IGSF11: variants seen among roughly 807,000 people sequenced by gnomAD.
The protein encoded by IGSF11 is CXADR like 1.
IGSF11 carries 22 observed loss-of-function variants against 41.0 expected under a neutral mutation model. The ratio of observed to expected loss-of-function variants is 0.54; its 90% confidence interval spans 0.38 to 0.77. IGSF11 has a LOEUF of 0.77. Ranked by LOEUF, IGSF11 falls within the 30% of genes least tolerant of loss-of-function variation. The pLI is 0.00. For synonymous variants in IGSF11, 219 were observed against 201.3 expected (o/e 1.09, Z -0.74); for missense variants, 444 against 530.8 (o/e 0.84, Z 1.61).
intron 1 of IGSF11, among the ~76,000 whole-genome samples, chr3:118,984,419 A>G (rs1935053805): frequency 6.6e-6 from 1 of 152,232 alleles, no homozygotes; most frequent in Non-Finnish European, 1.5e-5. Flanking sequence ...AAATGTATCT[A>G]AGAAAAGAAC....
chr3:118,998,579 C>CA lies in IGSF11; in HGVS notation c.52+35951dup, dbSNP rs1256652624. Among the ~76,000 whole-genome samples the CA allele has an allele frequency of 4.9e-3, 641 of 129,694 alleles. 9 individuals carry two copies. Among genetic ancestry groups the CA allele is most frequent in the African/African-American group, 0.015 (514 of 35,432 alleles). 85.1% of individuals were successfully genotyped at this position (129,694 alleles called of 152,430 possible). On this transcript the variant is annotated intron_variant, in intron 1 of 6. Coordinates refer to ENST00000393775, the MANE Select transcript of IGSF11 (RefSeq NM_001015887.3). ...ATCTGCACCCACAAAGTATTATTTG[C>CA]AAAAAAAAAAAAAGTTTGCAAATAG...
intron 1 of IGSF11, among the ~76,000 whole-genome samples, chr3:119,111,763 G>T (rs2077166132): frequency 6.6e-6 from 1 of 152,166 alleles, no homozygotes; most frequent in Admixed American, 6.5e-5. Flanking sequence ...GTACAGATGG[G>T]TTTTTGGTGT....
At chr3:119,075,504 C>T (rs1013099136) in intron 1 of IGSF11, among the ~76,000 whole-genome samples, 5 of 152,134 alleles carry the variant, frequency 3.3e-5, no homozygotes, top group Non-Finnish European at 4.4e-5. Context: ...TATACCAAAC[C>T]TAGCAGAGAC....
rs564719097 is a variant in IGSF11 at position 118,971,332 on chromosome 3, A to C, written c.53-41057T>G. Among the ~76,000 whole-genome samples the C allele has an allele frequency of 2.0e-5, 3 of 152,328 alleles. No homozygotes were observed. The South Asian group carries it at 6.2e-4, about 32-fold the overall frequency. ...CCAAAGGGGAAAACATTTTAGGTTT[A>C]TGTGTAAACATGAAAAACAGAACAC... On this transcript the variant is annotated intron_variant, in intron 1 of 6. Coordinates refer to ENST00000393775, the MANE Select transcript of IGSF11 (RefSeq NM_001015887.3).
rs191339002 is a variant in IGSF11, at chr3:118,981,011, A to C, written c.53-50736T>G. On this transcript the variant is annotated intron_variant, in intron 1 of 6. Transcript: ENST00000393775. ...ACCACTTTATGTGGTATGTGAGGGA[A>C]GCAGAGTAACATCTGGGACAGTGGT... is the stretch of plus-strand genomic sequence containing the variant. Among the ~76,000 whole-genome samples the C allele has an allele frequency of 2.3e-4, 35 of 152,348 alleles. 1 individual carries two copies. The highest frequency in any genetic ancestry group is 8.3e-4 in the South Asian group (4 of 4,826).
intron 4 of IGSF11, among the ~76,000 whole-genome samples, chr3:118,925,042 G>T (rs537725589): frequency 2.6e-5 from 4 of 152,116 alleles, no homozygotes; most frequent in Non-Finnish European, 5.9e-5. Context: ...ATGAACAACA[G>T]TATTGCAGGA....
intron 1 of IGSF11, among the ~76,000 whole-genome samples, chr3:119,060,027 C>G (rs181573581): frequency 1.3e-5 from 2 of 152,280 alleles, no homozygotes; most frequent in East Asian, 3.9e-4. Context: ...CAGGAGCTGT[C>G]CAGTGAGTCC....
At chr3:118,997,438 T>C (rs1340910989) in intron 1 of IGSF11, among the ~76,000 whole-genome samples, 2 of 152,164 alleles carry the variant, frequency 1.3e-5, no homozygotes, top group African/African-American at 2.4e-5. Context: ...TAGCACTAGA[T>C]TTGTGGTGGA....
chr3:119,035,169 T>TTA (rs1940832430), upstream of IGSF11, among the ~76,000 whole-genome samples: 1 of 152,226 alleles, frequency 6.6e-6, no homozygotes, highest in African/African-American at 2.4e-5. Context: ...GGTGTCGGCC[T>TTA]GATGCATCCT....
intron 1 of IGSF11, among the ~76,000 whole-genome samples, chr3:119,079,490 G>T (rs892548728): frequency 6.6e-6 from 1 of 152,178 alleles, no homozygotes; most frequent in African/African-American, 2.4e-5. Flanking sequence ...TTCTCAAAGA[G>T]CTTAAAGAGA....
At chr3:118,996,487 A>G (rs951362453) in intron 1 of IGSF11, among the ~76,000 whole-genome samples, 1 of 152,280 alleles carries the variant, frequency 6.6e-6, no homozygotes, top group East Asian at 1.9e-4. Flanking sequence ...CCTTGCTACT[A>G]TCCTTGACTC....
intron 1 of IGSF11, among the ~76,000 whole-genome samples, chr3:119,117,367 G>A (rs927590222): frequency 1.3e-5 from 2 of 152,118 alleles, no homozygotes; most frequent in Non-Finnish European, 2.9e-5. Flanking sequence ...AATGAAGGAA[G>A]GCAAGGAGGA....
At position 119,125,810 on chromosome 3, in the gene IGSF11, G is replaced by C. The variant is rs748281620; in HGVS notation, c.-14+20003C>G. Among the ~76,000 whole-genome samples the C allele has an allele frequency of 2.0e-5, 3 of 152,290 alleles. No homozygotes were observed. The East Asian group carries it at 5.8e-4, about 29-fold the overall frequency. On this transcript the variant is annotated intron_variant, in intron 1 of 7. Coordinates refer to the IGSF11 transcript ENST00000425327. ...CAGTGTGGTGCTGCAGCCTACCTGA[G>C]AGCCACGTGGGGAAGGGGAACCACC...
chr3:119,054,231 C>T (rs1158957928), intron 1 of IGSF11, among the ~76,000 whole-genome samples: 2 of 152,054 alleles, frequency 1.3e-5, no homozygotes, highest in Admixed American at 6.6e-5. Context: ...AACAGGCAAC[C>T]CACAGAGGGG....
intron 1 of IGSF11, among the ~76,000 whole-genome samples, chr3:118,995,019 G>A (rs1936132414): frequency 6.6e-6 from 1 of 152,164 alleles, no homozygotes; most frequent in South Asian, 2.1e-4. Flanking sequence ...ACAAAATTAA[G>A]CGTCATGCAA....
chr3:118,905,550 T>TAC, intron 5 of IGSF11, 46 bp downstream of exon 5: 1 of 1,605,876 alleles, frequency 6.2e-7, no homozygotes, highest in South Asian at 1.1e-5. Context: ...ACAAAGATCT[T>TAC]AGAGTTTCAG....
intron 1 of IGSF11, among the ~76,000 whole-genome samples, chr3:119,049,022 C>A (rs1384671937): frequency 6.6e-6 from 1 of 151,326 alleles, no homozygotes; most frequent in Non-Finnish European, 1.5e-5. Context: ...CTATCTATGA[C>A]AAACCCACAG....
chr3:118,914,476 A>G (rs569354158), intron 4 of IGSF11, among the ~76,000 whole-genome samples: 1 of 151,428 alleles, frequency 6.6e-6, no homozygotes, highest in South Asian at 2.1e-4. Context: ...TCTCTTTCCG[A>G]GTCAAAGAAA....
intron 3 of IGSF11, 75 bp downstream of exon 3, chr3:118,928,434 A>G: frequency 8.7e-7 from 1 of 1,152,188 alleles, no homozygotes; most frequent in East Asian, 2.3e-5. Context: ...TGTAGAAACA[A>G]GGGCAGAAGC....
Sources: gnomAD v4.1 joint callset for allele counts (sites outside exome capture counted in the v4.1 genomes callset) on GRCh38, gnomAD v4.1.1 for gene constraint, MANE v1.5 for transcripts, NCBI Gene and HGNC (gene_info 2026-07-23, HGNC 2026-07-21) for gene names.